LMF1: variants seen among roughly 807,000 people sequenced by gnomAD.
The protein encoded by LMF1 is lipase maturation factor 1, also known as transmembrane protein 112.
LMF1 carries 68 observed loss-of-function variants against 60.6 expected under a neutral mutation model. That is an observed-to-expected ratio of 1.12 (90% confidence interval 0.92 to 1.37). The LOEUF is 1.37. Ranked by LOEUF, LMF1 falls within the 40% of genes most tolerant of loss-of-function variation. The pLI is 0.00. For synonymous variants in LMF1, 418 were observed against 324.7 expected, an observed-to-expected ratio of 1.29 and a Z score of -3.09; for missense variants, 948 against 767.2, an observed-to-expected ratio of 1.24 and a Z score of -2.78.
At chr16:887,701 C>T (rs186232512) in intron 5 of LMF1, among the ~76,000 whole-genome samples, 20 of 152,302 alleles carry the variant, frequency 1.3e-4, no homozygotes, top group African/African-American at 3.1e-4. Flanking sequence ...CTCTAGCCTC[C>T]GAGAGCACCT....
At chr16:976,297 C>T (rs1567348409) in intron 1 of LMF1, 1 of 452,020 alleles carries the variant, frequency 2.2e-6, no homozygotes, top group Non-Finnish European at 4.4e-6. Flanking sequence ...CAGAACGAGG[C>T]TGGGGTCTGG....
chr16:928,321 A>G (rs1315914293), intron 3 of LMF1, among the ~76,000 whole-genome samples: 1 of 152,206 alleles, frequency 6.6e-6, no homozygotes, highest in African/African-American at 2.4e-5. Flanking sequence ...ACCAGCTGGC[A>G]TTGGCCTTCC....
At chr16:900,963 A>C (rs1363465816) in intron 4 of LMF1, 4 of 152,122 alleles carry the variant, frequency 2.6e-5, no homozygotes, top group Non-Finnish European at 5.9e-5. Context: ...CTCACACCAA[A>C]GTGGGCTCCA....
chr16:860,299 G>A (rs774127433), intron 10 of LMF1, among the ~76,000 whole-genome samples: 1 of 151,280 alleles, frequency 6.6e-6, no homozygotes, highest in Non-Finnish European at 1.5e-5. Flanking sequence ...TAATGACTCT[G>A]CCTGGCCCTA....
chr16:916,371 G>A (rs1254708546), intron 3 of LMF1, among the ~76,000 whole-genome samples: 4 of 152,202 alleles, frequency 2.6e-5, no homozygotes, highest in East Asian at 1.9e-4. Flanking sequence ...GCGCCGGGCC[G>A]CCCTCTGCCA....
At chr16:881,917 A>C (rs2070173019) in intron 5 of LMF1, among the ~76,000 whole-genome samples, 1 of 151,792 alleles carries the variant, frequency 6.6e-6, no homozygotes, top group South Asian at 2.1e-4. Flanking sequence ...TCTGACGGGG[A>C]GGGGAGCGGG....
chr16:946,373 A>G lies in LMF1; in HGVS notation c.503+7984T>C, dbSNP rs1014032631. Among the ~76,000 whole-genome samples, 3 of 152,338 alleles carry G rather than the reference A, an allele frequency of 2.0e-5. No individual in the cohort carries two copies. The South Asian group carries it at 6.2e-4, about 32-fold the overall frequency. ...TCCCAACTCTGCCATTACAGCTCCA[A>G]GCAGGAGTGGAAGCCAGAAGGAAGC... On this transcript the variant is annotated intron_variant, in intron 2 of 10. Transcript: ENST00000262301.
In LMF1 at chr16:863,980, T is replaced by C. The variant is rs572429244; in HGVS notation, c.1529+4964A>G. 5.9e-5 allele frequency among the ~76,000 whole-genome samples: 9 copies of C among 152,088 alleles called. No homozygotes were observed. The South Asian group carries it at 6.2e-4, about 10-fold the overall frequency. On this transcript the variant is annotated intron_variant, in intron 10 of 10. Coordinates refer to ENST00000262301, the MANE Select transcript of LMF1 (RefSeq NM_022773.4). ...ATCATTAGGCCCTGCCTGTCGATGA[T>C]GGTGCTCCTTTATGTTCTTGCTGAA...
At chr16:896,616 G>A (rs775672741) in intron 4 of LMF1, among the ~76,000 whole-genome samples, 12 of 152,118 alleles carry the variant, frequency 7.9e-5, no homozygotes, top group Non-Finnish European at 1.2e-4. Context: ...TCCTCAAGGC[G>A]CTGCCCACAC....
intron 1 of LMF1, chr16:979,027 G>A (rs1016291773): frequency 7.9e-5 from 36 of 453,914 alleles, no homozygotes; most frequent in African/African-American, 5.4e-4. Flanking sequence ...GGAGTTACCT[G>A]CTGCCTGCCT....
intron 6 of LMF1, 68 bp from the exon 7 acceptor site, chr16:871,409 T>G: frequency 3.6e-6 from 5 of 1,390,010 alleles, no homozygotes; most frequent in Non-Finnish European, 3.0e-6. Flanking sequence ...CTGGCGCCTC[T>G]CTTCCTGGAG....
At chr16:868,661 G>A (rs921161584) in intron 10 of LMF1, among the ~76,000 whole-genome samples, 9 of 151,980 alleles carry the variant, frequency 5.9e-5, no homozygotes, top group South Asian at 2.1e-4. Context: ...GCTGTGAGCC[G>A]GGGTCACCCT....
intron 5 of LMF1, among the ~76,000 whole-genome samples, chr16:880,352 G>A (rs1014705267): frequency 7.1e-6 from 1 of 141,670 alleles, no homozygotes; most frequent in Non-Finnish European, 1.5e-5. Flanking sequence ...AGGAGGAAGG[G>A]TGGGAACTTG....
At chr16:902,293 G>C (rs981474052) in intron 4 of LMF1, 1 of 152,578 alleles carries the variant, frequency 6.6e-6, no homozygotes, top group African/African-American at 2.4e-5. Flanking sequence ...GATGCGTCTG[G>C]CCTGGCATTC....
intron 1 of LMF1, among the ~76,000 whole-genome samples, chr16:964,339 T>C (rs2072881141): frequency 1.3e-5 from 2 of 151,928 alleles, no homozygotes. Context: ...AAATCAGCTT[T>C]CTCTTTTCTC....
intron 1 of LMF1, among the ~76,000 whole-genome samples, chr16:966,269 G>T (rs1043829019): frequency 6.6e-6 from 1 of 152,316 alleles, no homozygotes; most frequent in Non-Finnish European, 1.5e-5. Flanking sequence ...AGTGCAGGTG[G>T]ACATCTGCCC....
rs1597072886 is a variant in LMF1, at chr16:955,119, T to C, written c.194-453A>G. On this transcript the variant is annotated intron_variant, in intron 1 of 10. Coordinates refer to ENST00000262301, the MANE Select transcript of LMF1 (RefSeq NM_022773.4). The stretch of plus-strand genomic sequence containing the variant: ...CGGTGTGTGCACACACACACACACA[T>C]CTAAGTAAACTAGACAAGTTACATA... Among the ~76,000 whole-genome samples, 3 of 136,830 alleles carry C rather than the reference T, an allele frequency of 2.2e-5. 1 individual carries two copies. Among genetic ancestry groups the C allele is most frequent in the Non-Finnish European group, 4.6e-5 (3 of 65,460 alleles). The allele number at this position is 136,830 out of a possible 152,430, so 89.8% of individuals were successfully genotyped here.
chr16:875,500 C>T lies in LMF1; in HGVS notation c.897+4070G>A, dbSNP rs114081391. ...GCCCTCAAGTGACTCCCACTTTCTC[C>T]ATTTACTTAAGTAACTCAGCACCTT... On this transcript the variant is annotated intron_variant, in intron 6 of 10. Coordinates refer to ENST00000262301, the MANE Select transcript of LMF1 (RefSeq NM_022773.4). 5.0e-3 allele frequency among the ~76,000 whole-genome samples: 761 copies of T among 152,330 alleles called. 9 individuals are homozygous for T. The highest frequency in any genetic ancestry group is 0.018 in the African/African-American group (730 of 41,566).
At chr16:929,864 G>A (rs2071720876) in intron 3 of LMF1, among the ~76,000 whole-genome samples, 1 of 152,176 alleles carries the variant, frequency 6.6e-6, no homozygotes, top group Admixed American at 6.5e-5. Flanking sequence ...GGGGGCGCAC[G>A]GCCCTGGGAC....
Sources: allele counts gnomAD v4.1 joint callset (sites outside exome capture counted in the v4.1 genomes callset), GRCh38; gene constraint gnomAD v4.1.1; transcripts MANE v1.5; gene names NCBI Gene and HGNC (gene_info 2026-07-23, HGNC 2026-07-21).